ALK: variants seen among roughly 807,000 people sequenced by gnomAD.
ALK encodes the protein ALK receptor tyrosine kinase.
ALK carries 74 observed loss-of-function variants against 163.1 expected under a neutral mutation model. The observed-to-expected ratio is 0.45, with a 90% CI of 0.38 to 0.55. The LOEUF is 0.55. ALK is among the 20% of genes least tolerant of loss of function. The pLI is 0.00. For missense variants in ALK, 2,063 were observed against 2,105.3 expected, an observed-to-expected ratio of 0.98 and a Z score of 0.39; for synonymous variants, 960 against 843.2, an observed-to-expected ratio of 1.14 and a Z score of -2.40.
At chr2:29,388,431 C>T (rs1359598892) in intron 4 of ALK, among the ~76,000 whole-genome samples, 1 of 152,172 alleles carries the variant, frequency 6.6e-6, no homozygotes, top group East Asian at 1.9e-4. Context: ...AAAGGAATGC[C>T]TTTCTGAGAT....
chr2:29,809,166 G>A (rs1007090820), intron 1 of ALK, among the ~76,000 whole-genome samples: 2 of 152,212 alleles, frequency 1.3e-5, no homozygotes, highest in Non-Finnish European at 2.9e-5. Flanking sequence ...ATTTACTTAA[G>A]CAAGGTTCTG....
intron 1 of ALK, among the ~76,000 whole-genome samples, chr2:29,865,535 A>T (rs1666411629): frequency 6.6e-6 from 1 of 152,224 alleles, no homozygotes; most frequent in Non-Finnish European, 1.5e-5. Context: ...ACTCATGGAT[A>T]CACATTCTCC....
intron 11 of ALK, among the ~76,000 whole-genome samples, chr2:29,256,652 T>C (rs573860613): frequency 1.3e-4 from 20 of 152,012 alleles, no homozygotes; most frequent in African/African-American, 4.8e-4. Context: ...GGGGCTCAGT[T>C]CTAGCCAGGA....
intron 9 of ALK, among the ~76,000 whole-genome samples, chr2:29,294,537 G>T (rs1298323716): frequency 6.6e-6 from 1 of 152,320 alleles, no homozygotes; most frequent in East Asian, 1.9e-4. Context: ...AGACTGTGTT[G>T]TCTGTTTTAT....
intron 1 of ALK, among the ~76,000 whole-genome samples, chr2:29,800,152 G>A (rs1258024369): frequency 6.6e-6 from 1 of 152,210 alleles, no homozygotes; most frequent in Non-Finnish European, 1.5e-5. Context: ...AAGCCAGGGA[G>A]GACCCCTCAG....
chr2:29,877,642 C>A (rs763387472), intron 1 of ALK, among the ~76,000 whole-genome samples: 3 of 152,196 alleles, frequency 2.0e-5, no homozygotes, highest in Non-Finnish European at 2.9e-5. Flanking sequence ...CATGAGGCCT[C>A]AGTCCACCAA....
At chr2:29,505,956 C>T (rs1672307796) in intron 4 of ALK, among the ~76,000 whole-genome samples, 2 of 152,142 alleles carry the variant, frequency 1.3e-5, no homozygotes, top group African/African-American at 4.8e-5. Flanking sequence ...TGCAGCAATC[C>T]CCCGAAATAA....
chr2:29,461,082 C>T (rs1009842883), intron 4 of ALK, among the ~76,000 whole-genome samples: 3 of 152,188 alleles, frequency 2.0e-5, no homozygotes, highest in African/African-American at 7.2e-5. Context: ...CCAAAATATT[C>T]TCTTCAGCCA....
At chr2:29,356,261 C>T (rs1315825500) in intron 5 of ALK, among the ~76,000 whole-genome samples, 1 of 152,152 alleles carries the variant, frequency 6.6e-6, no homozygotes, top group East Asian at 1.9e-4. Context: ...CATTTTATCT[C>T]CTTAAAATCC....
At chr2:29,626,699 G>A (rs772492884) in intron 3 of ALK, among the ~76,000 whole-genome samples, 1 of 152,206 alleles carries the variant, frequency 6.6e-6, no homozygotes, top group Non-Finnish European at 1.5e-5. Flanking sequence ...GCCAGGAAGA[G>A]AGCCCTCACC....
intron 25 of ALK, among the ~76,000 whole-genome samples, chr2:29,207,652 T>A (rs1277478515): frequency 6.6e-6 from 1 of 152,228 alleles, no homozygotes; most frequent in African/African-American, 2.4e-5. Context: ...AGATCCAAAA[T>A]GGGAGAACTG....
intron 5 of ALK, among the ~76,000 whole-genome samples, chr2:29,346,293 G>A (rs1051974788): frequency 6.6e-6 from 1 of 152,220 alleles, no homozygotes; most frequent in Middle Eastern, 3.4e-3. Flanking sequence ...TATTTTCAGA[G>A]GGGAAAAAAA....
chr2:29,378,676 A>G (rs1192628278), intron 5 of ALK, among the ~76,000 whole-genome samples: 2 of 151,810 alleles, frequency 1.3e-5, no homozygotes, highest in Non-Finnish European at 2.9e-5. Context: ...CATTTTTAGG[A>G]GCTGTTCAGG....
At chr2:29,603,479 C>G (rs1016594448) in intron 3 of ALK, among the ~76,000 whole-genome samples, 3 of 152,154 alleles carry the variant, frequency 2.0e-5, no homozygotes, top group South Asian at 2.1e-4. Flanking sequence ...GTTTTGTCAG[C>G]CTTCAGGTCT....
At chr2:29,330,089 C>G (rs1667395336) in intron 5 of ALK, among the ~76,000 whole-genome samples, 1 of 152,194 alleles carries the variant, frequency 6.6e-6, no homozygotes, top group Non-Finnish European at 1.5e-5. Context: ...ATTGTCCACC[C>G]TGCCTCCTAC....
chr2:29,267,638 G>A (rs1390527412), intron 11 of ALK, among the ~76,000 whole-genome samples: 3 of 152,112 alleles, frequency 2.0e-5, no homozygotes, highest in Admixed American at 6.5e-5. Flanking sequence ...TAGGAGAGGG[G>A]CAAGCTGGGA....
chr2:29,861,411 A>T (rs1325423963), intron 1 of ALK, among the ~76,000 whole-genome samples: 1 of 152,214 alleles, frequency 6.6e-6, no homozygotes, highest in Non-Finnish European at 1.5e-5. Flanking sequence ...CTATGAAAAA[A>T]GAGAAGACTC....
At chr2:29,465,897 G>A (rs1671199441) in intron 4 of ALK, among the ~76,000 whole-genome samples, 1 of 152,110 alleles carries the variant, frequency 6.6e-6, no homozygotes, top group South Asian at 2.1e-4. Flanking sequence ...AATATATTAT[G>A]AGTTTATAAC....
At chr2:29,818,097 G>A (rs1664947525) in intron 1 of ALK, among the ~76,000 whole-genome samples, 1 of 152,078 alleles carries the variant, frequency 6.6e-6, no homozygotes, top group African/African-American at 2.4e-5. Context: ...CGAGAGGCAG[G>A]GAGTCAGACT....
Sources: gnomAD v4.1 joint callset for allele counts (sites outside exome capture counted in the v4.1 genomes callset) on GRCh38, gnomAD v4.1.1 for gene constraint, MANE v1.5 for transcripts, NCBI Gene and HGNC (gene_info 2026-07-23, HGNC 2026-07-21) for gene names.